CPAP: variants seen among roughly 807,000 people sequenced by gnomAD.
CPAP encodes centrosomal P4.1-associated protein.
chr13:24,913,227 T>C, the CPAP span: 4 of 570,960 alleles, frequency 7.0e-6, no homozygotes, highest in Non-Finnish European at 1.2e-5. Flanking sequence ...AGCAAAGCAA[T>C]TGGGCATTGA....
chr13:24,915,061 T>C, the CPAP span, among the ~76,000 whole-genome samples: 1 of 146,746 alleles, frequency 6.8e-6, no homozygotes, highest in Non-Finnish European at 1.5e-5. Context: ...GGCAACTGAG[T>C]GAGACTCTCT....
the CPAP span, among the ~76,000 whole-genome samples, chr13:24,891,866 G>A: frequency 1.3e-5 from 2 of 152,110 alleles, no homozygotes; most frequent in African/African-American, 4.8e-5. Context: ...CCACTAATCC[G>A]ATTGCCCCGT....
the CPAP span, among the ~76,000 whole-genome samples, chr13:24,895,977 G>A: frequency 3.9e-5 from 6 of 152,132 alleles, no homozygotes; most frequent in African/African-American, 1.4e-4. Flanking sequence ...GTAAAGGAAG[G>A]TTAAATATGC....
At chr13:24,931,877 C>T in the CPAP span, among the ~76,000 whole-genome samples, 9 of 152,206 alleles carry the variant, frequency 5.9e-5, no homozygotes, top group Non-Finnish European at 1.3e-4. Context: ...CCACCTCTCC[C>T]AAAGCCGAGC....
At chr13:24,917,054 T>C in the CPAP span, among the ~76,000 whole-genome samples, 29,832 of 151,968 alleles carry the variant, frequency 0.2, 3,216 homozygotes, top group South Asian at 0.32. Flanking sequence ...ATCGAGACCA[T>C]CCTGGCTAAC....
the CPAP span, among the ~76,000 whole-genome samples, chr13:24,920,116 C>CA: frequency 3.9e-5 from 6 of 152,034 alleles, no homozygotes; most frequent in South Asian, 8.3e-4. Flanking sequence ...TTCTATAAGG[C>CA]AAAAAATCTG....
the CPAP span, chr13:24,892,538 C>G: frequency 1.1e-6 from 1 of 893,300 alleles, no homozygotes; most frequent in Non-Finnish European, 1.9e-6. Flanking sequence ...CACTGCCCCC[C>G]CAGCCCCTGG....
the CPAP span, chr13:24,904,081 T>C: frequency 6.2e-7 from 1 of 1,613,032 alleles, no homozygotes; most frequent in South Asian, 1.1e-5. Context: ...CCATAAATAC[T>C]GAACTTCAAA....
At chr13:24,931,997 C>T in the CPAP span, among the ~76,000 whole-genome samples, 3 of 152,252 alleles carry the variant, frequency 2.0e-5, no homozygotes, top group Non-Finnish European at 2.9e-5. Flanking sequence ...GGGTCCCGCT[C>T]CCCACCTGGA....
chr13:24,883,420 TAAAC>T, the CPAP span: 118 of 1,415,616 alleles, frequency 8.3e-5, no homozygotes, highest in African/African-American at 9.4e-4. Flanking sequence ...TAATAGAAAA[TAAAC>T]AACAGAAAAA....
the CPAP span, chr13:24,933,202 G>A: frequency 2.6e-6 from 3 of 1,165,960 alleles, no homozygotes; most frequent in South Asian, 3.8e-5. Flanking sequence ...ACAGGGTCAT[G>A]GTTAGAAGAG....
At chr13:24,884,083 T>A in the CPAP span, 2 of 1,578,322 alleles carry the variant, frequency 1.3e-6, no homozygotes, top group Admixed American at 1.8e-5. Flanking sequence ...GTAATGTTTT[T>A]CTGTTTAAAA....
chr13:24,893,230 TGAAG>T, the CPAP span, among the ~76,000 whole-genome samples: 1 of 152,190 alleles, frequency 6.6e-6, no homozygotes, highest in Non-Finnish European at 1.5e-5. Context: ...CATGAATAAC[TGAAG>T]GAAGACTAGA....
At chr13:24,890,607 T>C in the CPAP span, among the ~76,000 whole-genome samples, 4 of 152,200 alleles carry the variant, frequency 2.6e-5, no homozygotes, top group African/African-American at 9.6e-5. Context: ...GAAAAAAATA[T>C]GTGCAATTCT....
At chr13:24,933,940 G>T in the CPAP span, among the ~76,000 whole-genome samples, 1 of 151,330 alleles carries the variant, frequency 6.6e-6, no homozygotes. Flanking sequence ...TGGCCAGGCT[G>T]GTCTTAAACT....
the CPAP span, chr13:24,933,348 C>T: frequency 6.9e-6 from 3 of 436,294 alleles, no homozygotes; most frequent in Non-Finnish European, 1.2e-5. Context: ...CCCTGAACCG[C>T]AGGACAATTC....
At chr13:24,915,154 A>G in the CPAP span, among the ~76,000 whole-genome samples, 1 of 152,108 alleles carries the variant, frequency 6.6e-6, no homozygotes, top group African/African-American at 2.4e-5. Context: ...TATACAATCT[A>G]CTGCCCCTCC....
the CPAP span, among the ~76,000 whole-genome samples, chr13:24,924,135 A>G: frequency 6.6e-5 from 10 of 151,966 alleles, no homozygotes; most frequent in African/African-American, 2.4e-4. Context: ...GCCCGGCCCA[A>G]TTTTTCTTTT....
At chr13:24,900,911 C>G in the CPAP span, among the ~76,000 whole-genome samples, 1 of 152,112 alleles carries the variant, frequency 6.6e-6, no homozygotes, top group African/African-American at 2.4e-5. Context: ...GACTCATGTG[C>G]TGAGACAGGG....
Sources: allele counts gnomAD v4.1 joint callset (sites outside exome capture counted in the v4.1 genomes callset), GRCh38; gene constraint gnomAD v4.1.1; transcripts MANE v1.5; gene names NCBI Gene and HGNC (gene_info 2026-07-23, HGNC 2026-07-21).